Variants in NPHP4 observed in about 807,000 individuals in gnomAD.
NPHP4 encodes nephrocystin 4.
In NPHP4, 151 loss-of-function variants were observed where a neutral mutation model predicts 155.8. The ratio of observed to expected loss-of-function variants is 0.97; its 90% CI spans 0.85 to 1.11. The LOEUF is 1.11. NPHP4 is among the 50% of genes least tolerant of loss of function. The pLI, the probability that NPHP4 is intolerant of heterozygous loss-of-function variation, is 0.00. For missense variants in NPHP4, 1,956 were observed against 1,925.7 expected, an observed-to-expected ratio of 1.02 and a Z score of -0.29; for synonymous variants, 845 against 816.8, an observed-to-expected ratio of 1.03 and a Z score of -0.59.
chr1:5,980,838 C>T (rs945648885), intron 2 of NPHP4, among the ~76,000 whole-genome samples: 3 of 152,080 alleles, frequency 2.0e-5, no homozygotes, highest in Non-Finnish European at 4.4e-5. Flanking sequence ...AAGCCCAGCT[C>T]CCATCACCAC....
intron 5 of NPHP4, among the ~76,000 whole-genome samples, chr1:5,966,347 G>A (rs1350209367): frequency 1.3e-5 from 2 of 152,196 alleles, no homozygotes; most frequent in East Asian, 1.9e-4. Flanking sequence ...CTGGGGTGAA[G>A]TGATTCTCCC....
intron 3 of NPHP4, among the ~76,000 whole-genome samples, chr1:5,976,682 G>A (rs1653647349): frequency 6.6e-6 from 1 of 152,302 alleles, no homozygotes; most frequent in Non-Finnish European, 1.5e-5. Context: ...ATCCTTAGCT[G>A]TCCAGACATA....
chr1:5,921,837 G>A (rs1178738049), intron 11 of NPHP4, among the ~76,000 whole-genome samples: 1 of 152,208 alleles, frequency 6.6e-6, no homozygotes, highest in Admixed American at 6.5e-5. Context: ...ATGAAGCTAG[G>A]ACTGAATTTT....
Position 5,890,749 on chromosome 1 carries a change from T to C in NPHP4, c.2304+119A>G. On this transcript the variant is annotated intron_variant, in intron 17 of 29. Coordinates refer to ENST00000378156, the MANE Select transcript of NPHP4 (RefSeq NM_015102.5). This position sits in a 1 kb window ranked among gnomAD's most constrained non-coding sequence, Gnocchi z 4.9. ...ATTTTTAACGAGTGAACAAAGAAGG[T>C]CAAACAAGTCCTGTGCGGGATAGCG... is the stretch of plus-strand genomic sequence containing the variant. 1 of 823,120 alleles carries C rather than the reference T, an allele frequency of 1.2e-6. No individual in the cohort carries two copies. Among genetic ancestry groups the C allele is most frequent in the Non-Finnish European group, 1.8e-6 (1 of 557,342 alleles). 51.0% of individuals were successfully genotyped at this position (823,120 alleles called of 1,614,324 possible). A position where few individuals can be genotyped will look rare whatever the true frequency, so the allele number is the denominator to read the frequency against.
chr1:5,922,979 G>A (rs1023146856), intron 11 of NPHP4, among the ~76,000 whole-genome samples: 4 of 152,316 alleles, frequency 2.6e-5, no homozygotes, highest in African/African-American at 4.8e-5. Context: ...CCAGAGCAAC[G>A]AAGTGAGAAT....
Position 5,933,265 on chromosome 1 carries a change from T to C in NPHP4, c.1184A>G (p.Asn395Ser). 1.9e-6 allele frequency: 3 copies of C among 1,613,522 alleles called. No individual in the cohort carries two copies. Among genetic ancestry groups the C allele is most frequent in the Non-Finnish European group, 2.5e-6 (3 of 1,179,794 alleles). Residue 395 changes from asparagine (N) to serine (S), a missense_variant, in exon 10 of 30, where the codon AAC becomes AGC. Transcript: ENST00000378156. ...CMHMVRWAVW[N>S]PLLEADSGRV... The stretch of plus-strand genomic sequence containing the variant: ...TCCAGAATCAGCTTCCAGCAAGGGG[T>C]TCCAAACAGCCCAGCGGACCATGTG...
In NPHP4 at chr1:5,887,456, C is replaced by T. The variant is rs374899143; in HGVS notation, c.2315G>A (p.Arg772His). Residue 772 changes from arginine to histidine, a missense_variant, in exon 18 of 30, where the codon CGC (arginine) becomes CAC (histidine). Coordinates refer to ENST00000378156, the MANE Select transcript of NPHP4 (RefSeq NM_015102.5). ...SAAVQMKHLL[R>H]QGRPAVQASH... The stretch of plus-strand genomic sequence containing the variant: ...GGCCTGCACAGCCGGCCGGCCTTGG[C>T]GGAGGAGATGCTGCAGAAGAGAAAA... The T allele has an allele frequency of 9.3e-6, 15 of 1,612,942 alleles. No individual in the cohort carries two copies. Among genetic ancestry groups the T allele is most frequent in the African/African-American group, 4.0e-5 (3 of 74,936 alleles).
chr1:5,870,964 G>A (rs988394698), intron 23 of NPHP4, among the ~76,000 whole-genome samples: 3 of 152,256 alleles, frequency 2.0e-5, no homozygotes, highest in Non-Finnish European at 2.9e-5. Context: ...AATGGGGCCT[G>A]TGATGACAGA....
intron 9 of NPHP4, among the ~76,000 whole-genome samples, chr1:5,941,943 C>G (rs1335717749): frequency 6.6e-6 from 1 of 152,198 alleles, no homozygotes; most frequent in Admixed American, 6.5e-5. Context: ...GAAGCATAAA[C>G]GACGCCAACC....
At chr1:5,891,546 G>A (rs1326611756) in intron 16 of NPHP4, among the ~76,000 whole-genome samples, 1 of 152,218 alleles carries the variant, frequency 6.6e-6, no homozygotes, top group Non-Finnish European at 1.5e-5. Context: ...GTCTGCCCTG[G>A]TCATCAGGCT....
chr1:5,893,594 G>A (rs747390637), intron 16 of NPHP4, among the ~76,000 whole-genome samples: 9 of 152,190 alleles, frequency 5.9e-5, no homozygotes, highest in East Asian at 1.9e-4. Flanking sequence ...ACATGAAGGC[G>A]GACTAGGAGC....
intron 11 of NPHP4, among the ~76,000 whole-genome samples, chr1:5,926,922 T>C (rs1010091517): frequency 6.6e-6 from 1 of 152,190 alleles, no homozygotes; most frequent in African/African-American, 2.4e-5. Flanking sequence ...GAACCTTCAG[T>C]GGTGAGAGCT....
intron 11 of NPHP4, among the ~76,000 whole-genome samples, chr1:5,923,017 A>C (rs1032534158): frequency 1.4e-4 from 22 of 152,316 alleles, no homozygotes; most frequent in African/African-American, 5.3e-4. Context: ...ACAAAACAAA[A>C]ACCCTGGAAT....
At chr1:5,925,923 G>C (rs1645980837) in intron 11 of NPHP4, among the ~76,000 whole-genome samples, 1 of 152,152 alleles carries the variant, frequency 6.6e-6, no homozygotes, top group African/African-American at 2.4e-5. Context: ...CCAGGAATGG[G>C]TTGTTTTAAA....
chr1:5,864,736 G>A (rs886153775), intron 27 of NPHP4: 2 of 545,600 alleles, frequency 3.7e-6, no homozygotes, highest in South Asian at 2.9e-5. Flanking sequence ...TATTCCCTAA[G>A]CGCTGCCTCC....
chr1:5,873,735 C>A, intron 22 of NPHP4: 1 of 300,166 alleles, frequency 3.3e-6, no homozygotes, highest in Non-Finnish European at 6.3e-6. Context: ...ACACCCCATG[C>A]CGGCCTCACG....
Position 5,904,708 on chromosome 1 carries a change from C to T in NPHP4, c.2052G>A (p.Gln684=), listed in dbSNP as rs759762099. 4 of 1,614,052 alleles carry T rather than the reference C, an allele frequency of 2.5e-6. No homozygotes were observed. The highest frequency in any genetic ancestry group is 3.4e-6 in the Non-Finnish European group (4 of 1,179,894). The change falls in exon 16 of 30, where the codon CAG becomes CAA. Residue 684 remains glutamine (Q), a synonymous_variant. Coordinates refer to ENST00000378156, the MANE Select transcript of NPHP4 (RefSeq NM_015102.5). The part of the protein sequence containing the change: ...RFPPATTPRL[Q]LVQLDEAGQP... ...GGCCGGCCTCATCCAGCTGGACCAGCTGCAGTCGTGGCGTCGTTGCGGGTG... is the reference window on the plus strand; with the variant it reads ...GGCCGGCCTCATCCAGCTGGACCAGTTGCAGTCGTGGCGTCGTTGCGGGTG...
At chr1:5,942,149 G>A (rs770498795) in intron 9 of NPHP4, among the ~76,000 whole-genome samples, 8 of 152,052 alleles carry the variant, frequency 5.3e-5, no homozygotes, top group South Asian at 2.1e-4. Context: ...TTGCTCACAC[G>A]GACCACTACC....
Position 5,969,148 on chromosome 1 carries a change from C to T in NPHP4, c.391G>A (p.Gly131Arg). The change falls in exon 4 of 30, where the codon GGA becomes AGA. Residue 131 changes from glycine to arginine, a missense_variant. Physicochemically the swap from Gly to Arg is moderately radical, Grantham distance 125. Transcript: ENST00000378156. ...GSLQTLSCGFGILRIFSNQPD... is the reference protein window; with the variant it reads ...GSLQTLSCGFRILRIFSNQPD... The stretch of plus-strand genomic sequence containing the variant: ...TGGTTGCTGAAGATCCGAAGAATTC[C>T]AAACCCACAGGACAATGTCTGGAGG... 3 of 1,553,844 alleles carry T rather than the reference C, an allele frequency of 1.9e-6. No individual in the cohort carries two copies. The highest frequency in any genetic ancestry group is 2.6e-6 in the Non-Finnish European group (3 of 1,148,022).
Sources: allele counts gnomAD v4.1 joint callset (sites outside exome capture counted in the v4.1 genomes callset), GRCh38; gene constraint gnomAD v4.1.1; non-coding constraint Gnocchi (gnomAD v3.1); transcripts MANE v1.5; gene names NCBI Gene and HGNC (gene_info 2026-07-23, HGNC 2026-07-21).